The following SUN1 variants were observed in gnomAD, a reference collection of about 807,000 sequenced individuals.
SUN1 encodes SUN domain-containing protein 1.
A neutral mutation model predicts 103.2 loss-of-function variants in SUN1; 61 were observed. The ratio of observed to expected loss-of-function variants is 0.59; its 90% CI spans 0.48 to 0.73. The LOEUF (loss-of-function observed/expected upper bound fraction) is 0.73. Ranked by LOEUF, SUN1 falls within the 30% of genes least tolerant of loss-of-function variation. SUN1 has a pLI of 0.00. For synonymous variants in SUN1, 490 were observed against 425.7 expected (o/e 1.15, Z -1.86); for missense variants, 1,052 against 1,034.6 (o/e 1.02, Z -0.23).
Position 848,360 on chromosome 7 carries a change from A to G in SUN1, c.659-3024A>G, listed in dbSNP as rs533184205. On this transcript the variant is annotated intron_variant, in intron 5 of 18. Transcript: ENST00000401592. Reference sequence around the variant, plus strand: ...GAATAATTTGGCTACCTGACTTATCAGGAAGTAGATATTGGCTTTATGGGA... The same window carrying G: ...GAATAATTTGGCTACCTGACTTATCGGGAAGTAGATATTGGCTTTATGGGA... 121 of 1,303,010 alleles carry G rather than the reference A, an allele frequency of 9.3e-5. 1 individual carries two copies. In the Middle Eastern group the frequency reaches 1.7e-3, roughly 19 times the overall value. The allele number at this position is 1,303,010 out of a possible 1,614,324, so 80.7% of individuals were successfully genotyped here. A position where few individuals can be genotyped will look rare whatever the true frequency, so the allele number is the denominator to read the frequency against.
At position 869,072 on chromosome 7, in the gene SUN1, C is replaced by T. The variant is rs1232894553; in HGVS notation, c.1981-277C>T. ...TCTTGCCACGACCAAGGACCATTGA[C>T]CTTCACCTTTTCTTTGAAGTATGTT... On this transcript the variant is annotated intron_variant, in intron 16 of 18. Transcript: ENST00000401592. 3 of 429,010 alleles carry T rather than the reference C, an allele frequency of 7.0e-6. 1 individual carries two copies. Among genetic ancestry groups the T allele is most frequent in the Non-Finnish European group, 4.3e-6 (1 of 233,966 alleles). 26.6% of individuals were successfully genotyped at this position (429,010 alleles called of 1,614,324 possible).
intron 1 of SUN1, among the ~76,000 whole-genome samples, chr7:824,936 G>C (rs771422907): frequency 6.6e-6 from 1 of 152,196 alleles, no homozygotes; most frequent in South Asian, 2.1e-4. Context: ...CCCTGTGAAC[G>C]TGTCCACACC....
chr7:853,333 A>T lies in SUN1; in HGVS notation c.1054-76A>T, dbSNP rs1367203968. On this transcript the variant is annotated intron_variant, in intron 9 of 18. Coordinates refer to ENST00000401592, the MANE Select transcript of SUN1 (RefSeq NM_001130965.3). ...CAGAGCTGGCGTCTTGCTGTAGGAC[A>T]CTGTTTGGAGGTTTAACTGACTCTG... The T allele has an allele frequency of 2.0e-6, 3 of 1,535,914 alleles. No individual in the cohort carries two copies. The African/African-American group carries it at 4.1e-5, about 21-fold the overall frequency.
intron 1 of SUN1, among the ~76,000 whole-genome samples, chr7:835,130 G>A (rs976970408): frequency 6.6e-6 from 1 of 152,238 alleles, no homozygotes; most frequent in African/African-American, 2.4e-5. Context: ...TAATATGCAG[G>A]TTGAGAGAAT....
At chr7:840,544 CGGT>C (rs1026024341) in intron 2 of SUN1, among the ~76,000 whole-genome samples, 13 of 152,110 alleles carry the variant, frequency 8.5e-5, no homozygotes, top group Admixed American at 2.6e-4. Context: ...CCCTACCTGA[CGGT>C]GGTAACATTC....
chr7:838,708 A>G, intron 1 of SUN1, 90 bp from the exon 2 acceptor site: 1 of 1,310,630 alleles, frequency 7.6e-7, no homozygotes. Context: ...AATCCACAGT[A>G]CATTGCACTT....
chr7:822,238 A>T (rs1786868525), intron 1 of SUN1, among the ~76,000 whole-genome samples: 1 of 152,212 alleles, frequency 6.6e-6, no homozygotes. Flanking sequence ...CTTGTAATTT[A>T]TTAGTCAGTT....
At chr7:821,332 G>A (rs778434454) in intron 1 of SUN1, among the ~76,000 whole-genome samples, 13 of 151,972 alleles carry the variant, frequency 8.6e-5, no homozygotes, top group Non-Finnish European at 1.6e-4. Flanking sequence ...ACCACGCCCA[G>A]CTAAGTTTTG....
At chr7:827,466 GTTTTTTTT>G (rs35772182) in intron 1 of SUN1, among the ~76,000 whole-genome samples, 16 of 133,248 alleles carry the variant, frequency 1.2e-4, no homozygotes, top group African/African-American at 4.5e-4. Flanking sequence ...TCTAAAGTCC[GTTTTTTTT>G]TTTTTTTTTT....
At chr7:836,989 A>G (rs1428083722) in intron 1 of SUN1, among the ~76,000 whole-genome samples, 1 of 152,226 alleles carries the variant, frequency 6.6e-6, no homozygotes, top group Admixed American at 6.5e-5. Context: ...AGGGCTGGGC[A>G]CACATGGCCC....
At chr7:837,764 C>G (rs1430111920) in intron 1 of SUN1, among the ~76,000 whole-genome samples, 1 of 152,226 alleles carries the variant, frequency 6.6e-6, no homozygotes, top group Non-Finnish European at 1.5e-5. Flanking sequence ...CCACTGGACA[C>G]TGGTGTCCTC....
intron 5 of SUN1, chr7:848,697 G>A (rs985367990): frequency 1.2e-4 from 123 of 1,005,076 alleles, no homozygotes; most frequent in African/African-American, 3.9e-4. Context: ...CTCGCCAGGC[G>A]CCTCCCTCGC....
intron 2 of SUN1, among the ~76,000 whole-genome samples, chr7:841,594 T>G (rs1185157071): frequency 6.6e-6 from 1 of 152,202 alleles, no homozygotes; most frequent in Non-Finnish European, 1.5e-5. Context: ...ACCAGCAACT[T>G]AGAAATCGTT....
intron 3 of SUN1, chr7:842,409 A>G (rs1293264357): frequency 1.9e-5 from 8 of 420,732 alleles, no homozygotes; most frequent in Non-Finnish European, 3.5e-5. Context: ...TGTAGTGACT[A>G]GTTCCAATGG....
intron 3 of SUN1, 148 bp from the exon 4 acceptor site, chr7:843,058 A>G: frequency 8.9e-7 from 1 of 1,129,014 alleles, no homozygotes; most frequent in African/African-American, 1.6e-5. Context: ...ATATATCTGG[A>G]GGCATTTTAG....
intron 1 of SUN1, among the ~76,000 whole-genome samples, chr7:837,697 A>G (rs1269628214): frequency 6.6e-6 from 1 of 152,196 alleles, no homozygotes; most frequent in Non-Finnish European, 1.5e-5. Context: ...ACGATAGCCT[A>G]CTGGGCTGTG....
At chr7:849,216 A>G (rs1184568901) in intron 5 of SUN1, among the ~76,000 whole-genome samples, 3 of 152,228 alleles carry the variant, frequency 2.0e-5, no homozygotes, top group African/African-American at 4.8e-5. Context: ...CAGCCTCCCA[A>G]GTGCTGGGAT....
chr7:817,642 T>C, intron 1 of SUN1: 1 of 1,005,854 alleles, frequency 9.9e-7, no homozygotes, highest in Non-Finnish European at 1.4e-6. Flanking sequence ...CTTGCGGCTC[T>C]AATTGCTAAA....
At chr7:847,858 G>C (rs1318880139) in intron 5 of SUN1, among the ~76,000 whole-genome samples, 10 of 146,390 alleles carry the variant, frequency 6.8e-5, no homozygotes, top group Non-Finnish European at 4.6e-5. Flanking sequence ...CAGCGGAGTT[G>C]GCGGCCTTCC....
Sources: gnomAD v4.1 joint callset for allele counts (sites outside exome capture counted in the v4.1 genomes callset) on GRCh38, gnomAD v4.1.1 for gene constraint, MANE v1.5 for transcripts, NCBI Gene and HGNC (gene_info 2026-07-23, HGNC 2026-07-21) for gene names.